Variants in ZSCAN25 observed in about 807,000 individuals in gnomAD.
The protein encoded by ZSCAN25 is zinc finger and SCAN domain-containing protein 25.
Under a neutral mutation model 38.7 loss-of-function variants are expected in ZSCAN25, and 27 were observed. That is an observed-to-expected ratio of 0.70 (90% CI 0.51 to 0.96). The LOEUF is 0.96. Ranked by LOEUF, ZSCAN25 falls within the 40% of genes least tolerant of loss-of-function variation. The pLI is 0.00. For synonymous variants in ZSCAN25, 273 were observed against 277.7 expected, an observed-to-expected ratio of 0.98 and a Z score of 0.17; for missense variants, 637 against 705.9, an observed-to-expected ratio of 0.90 and a Z score of 1.11.
At chr7:99,639,626 A>C in the ZSCAN25 span, among the ~76,000 whole-genome samples, 29 of 152,322 alleles carry the variant, frequency 1.9e-4, no homozygotes, top group South Asian at 5.2e-3. Flanking sequence ...ACTCCATAAT[A>C]GGAGACAGTA....
chr7:99,709,071 T>G, the ZSCAN25 span: 3 of 1,613,870 alleles, frequency 1.9e-6, no homozygotes, highest in African/African-American at 4.0e-5. Context: ...TGTCCAGTAC[T>G]TTGGGTCATG....
At chr7:99,733,679 T>C in the ZSCAN25 span, among the ~76,000 whole-genome samples, 43 of 152,280 alleles carry the variant, frequency 2.8e-4, no homozygotes, top group African/African-American at 8.9e-4. Context: ...GTCCTTCAAG[T>C]GACCTCCACT....
chr7:99,641,233 A>T, the ZSCAN25 span, among the ~76,000 whole-genome samples: 2 of 152,184 alleles, frequency 1.3e-5, no homozygotes, highest in African/African-American at 4.8e-5. Context: ...GAAACTTACA[A>T]TCATGGTTGA....
the ZSCAN25 span, chr7:99,666,601 T>C: frequency 8.1e-6 from 13 of 1,613,646 alleles, no homozygotes; most frequent in South Asian, 1.2e-4. Context: ...TCCTACTTAC[T>C]CTTTCAAGGT....
the ZSCAN25 span, chr7:99,685,143 G>T: frequency 1.3e-6 from 2 of 1,593,028 alleles, no homozygotes; most frequent in African/African-American, 2.7e-5. Context: ...GGGAAATTCA[G>T]GTTCCACTTA....
chr7:99,629,882 G>A lies in ZSCAN25; in HGVS notation c.1497G>A (p.Glu499=), dbSNP rs1807848159. 1 of 1,614,246 alleles carries A rather than the reference G, an allele frequency of 6.2e-7. No individual in the cohort carries two copies. Among genetic ancestry groups the A allele is most frequent in the African/African-American group, 1.3e-5 (1 of 75,066 alleles). Residue 499 remains glutamate (E), a synonymous_variant, in exon 8 of 8, where the codon GAG becomes GAA. Transcript: ENST00000394152. The surrounding 1 kb of genome is among the most constrained non-coding windows in gnomAD (Gnocchi z 5.6). ...GCGGGAAGCGGTTCAGCAAAGGGGA[G>A]CGGCTGGTCCGACACCAGAGAATCC... is the stretch of plus-strand genomic sequence containing the variant. The part of the protein sequence containing the change: ...QVCGKRFSKG[E]RLVRHQRIHT...
the ZSCAN25 span, chr7:99,676,638 G>A: frequency 5.1e-6 from 5 of 988,210 alleles, no homozygotes; most frequent in Admixed American, 3.8e-5. Context: ...TTGCATCACT[G>A]TATGCACTCA....
chr7:99,619,706 G>A lies in ZSCAN25; in HGVS notation c.100G>A (p.Glu34Lys), dbSNP rs1806775581. Reference protein sequence around the residue: ...EKELPWGRGREDPSPETFRLR... With the variant: ...EKELPWGRGRKDPSPETFRLR... ...AGAGTTGCCATGGGGCAGAGGAAGG[G>A]AGGACCCTAGTCCAGAGACTTTTCG... The change falls in exon 4 of 8, where the codon GAG becomes AAG. Residue 34 changes from glutamate to lysine, a missense_variant. Transcript: ENST00000394152. 1 of 1,614,144 alleles carries A rather than the reference G, an allele frequency of 6.2e-7. No homozygotes were observed. Among genetic ancestry groups the A allele is most frequent in the African/African-American group, 1.3e-5 (1 of 74,946 alleles).
the ZSCAN25 span, among the ~76,000 whole-genome samples, chr7:99,732,483 C>T: frequency 1.3e-4 from 20 of 151,928 alleles, no homozygotes; most frequent in Admixed American, 9.2e-4. Context: ...CAGTTTATTG[C>T]GTCTGCACAT....
At chr7:99,717,362 T>G in the ZSCAN25 span, 7 of 1,605,214 alleles carry the variant, frequency 4.4e-6, no homozygotes, top group Non-Finnish European at 6.0e-6. Flanking sequence ...AGTGACATTG[T>G]ATAATGAATT....
Position 99,619,612 on chromosome 7 carries a change from T to G in ZSCAN25, c.6T>G (p.Leu2=). 5.6e-6 allele frequency: 9 copies of G among 1,612,528 alleles called. No homozygotes were observed. Among genetic ancestry groups the G allele is most frequent in the Non-Finnish European group, 7.6e-6 (9 of 1,178,980 alleles). M[L]KEHPEMAEAP... Reference sequence around the variant, plus strand: ...TCCTCGGAGGGAGTCTGAAGATGCTTAAAGAGCATCCAGAGATGGCGGAAG... The same window carrying G: ...TCCTCGGAGGGAGTCTGAAGATGCTGAAAGAGCATCCAGAGATGGCGGAAG... Residue 2 remains leucine, a synonymous_variant, in exon 4 of 8, where the codon CTT becomes CTG. Coordinates refer to ENST00000394152, the MANE Select transcript of ZSCAN25 (RefSeq NM_145115.3).
chr7:99,731,655 T>G, the ZSCAN25 span, among the ~76,000 whole-genome samples: 1 of 152,176 alleles, frequency 6.6e-6, no homozygotes, highest in African/African-American at 2.4e-5. Context: ...TAGAATTTGC[T>G]CAGAGGCTTT....
the ZSCAN25 span, chr7:99,672,694 C>T: frequency 2.4e-5 from 39 of 1,613,350 alleles, no homozygotes; most frequent in Admixed American, 3.3e-5. Context: ...GTGGGGACAA[C>T]GGAGCTGATT....
the ZSCAN25 span, among the ~76,000 whole-genome samples, chr7:99,643,079 C>G: frequency 6.6e-6 from 1 of 151,792 alleles, no homozygotes; most frequent in Non-Finnish European, 1.5e-5. Context: ...GTTATTTTTT[C>G]TTTTTTTCAA....
At position 99,630,981 on chromosome 7, in the gene ZSCAN25, C is replaced by G. The variant is rs145942665; in HGVS notation, c.*961C>G. On this transcript the variant is annotated 3_prime_UTR_variant, in exon 8 of 8. Transcript: ENST00000394152. ...TAATTTCACCCCATTCTCATTGGAC[C>G]CATTTCCCAAGTATTTATTGAGGCC... is the stretch of plus-strand genomic sequence containing the variant. 700 of 942,810 alleles carry G rather than the reference C, an allele frequency of 7.4e-4. 4 individuals are homozygous for G. In the African/African-American group the frequency reaches 0.012, roughly 16 times the overall value. The allele number at this position is 942,810 out of a possible 1,614,324, so 58.4% of individuals were successfully genotyped here.
the ZSCAN25 span, chr7:99,652,931 T>C: frequency 5.8e-5 from 37 of 640,808 alleles, no homozygotes; most frequent in Middle Eastern, 2.7e-4. Flanking sequence ...ATAACTGGCA[T>C]GTCCATTGAT....
the ZSCAN25 span, among the ~76,000 whole-genome samples, chr7:99,727,946 A>C: frequency 2.6e-5 from 4 of 152,208 alleles, no homozygotes; most frequent in African/African-American, 7.2e-5. Context: ...CTTCCAAAAA[A>C]AGCTGGAGTC....
At chr7:99,695,131 G>A in the ZSCAN25 span, among the ~76,000 whole-genome samples, 1 of 152,124 alleles carries the variant, frequency 6.6e-6, no homozygotes, top group African/African-American at 2.4e-5. Flanking sequence ...GAACACCTTT[G>A]CTCTGACTCC....
the ZSCAN25 span, chr7:99,731,066 A>T: frequency 6.2e-7 from 1 of 1,613,842 alleles, no homozygotes; most frequent in Non-Finnish European, 8.5e-7. Context: ...CACCTTACGG[A>T]AGGACAAAGC....
Sources: allele counts gnomAD v4.1 joint callset (sites outside exome capture counted in the v4.1 genomes callset), GRCh38; gene constraint gnomAD v4.1.1; non-coding constraint Gnocchi (gnomAD v3.1); transcripts MANE v1.5; gene names NCBI Gene and HGNC (gene_info 2026-07-23, HGNC 2026-07-21).